The following RIF1 variants were observed in gnomAD, a reference collection of about 807,000 sequenced individuals.
RIF1 encodes the protein telomere-associated protein RIF1.
In RIF1, 45 loss-of-function variants were observed where a neutral mutation model predicts 247.1. The observed-to-expected ratio is 0.18, with a 90% CI of 0.14 to 0.23. The LOEUF is 0.23. RIF1 is among the 10% of genes least tolerant of loss of function. The probability of loss-of-function intolerance (pLI) is 1.00; values close to 1 mark genes in which losing one functional copy is unlikely to be tolerated. For synonymous variants in RIF1, 1,087 were observed against 978.8 expected, an observed-to-expected ratio of 1.11 and a Z score of -2.06; for missense variants, 2,967 against 2,862.5, an observed-to-expected ratio of 1.04 and a Z score of -0.83.
Position 151,433,157 on chromosome 2 carries a change from T to G in RIF1, c.1006T>G (p.Leu336Val). The G allele has an allele frequency of 1.2e-6, 2 of 1,613,400 alleles. No homozygotes were observed. The highest frequency in any genetic ancestry group is 1.7e-6 in the Non-Finnish European group (2 of 1,179,436). ...SIHVRTETLA[L>V]TKLEVWWYLL... ...CCATGTGAGAACAGAAACTCTAGCA[T>G]TAACAAAACTAGAAGTCTGGTGGTA... Residue 336 changes from leucine (L) to valine (V), a missense_variant, in exon 10 of 36, where the codon TTA (leucine) becomes GTA (valine). Transcript: ENST00000444746.
chr2:151,493,284 G>A (rs115730804), intron 9 of RIF1: 36,646 of 1,164,326 alleles, frequency 0.031, 1,320 homozygotes, highest in East Asian at 0.14. Flanking sequence ...TGAGAAAGGC[G>A]TGTTTTTATG....
the RIF1 span, among the ~76,000 whole-genome samples, chr2:151,527,812 G>A: frequency 2.6e-5 from 4 of 152,188 alleles, no homozygotes; most frequent in Non-Finnish European, 5.9e-5. Flanking sequence ...AATTTTTAAA[G>A]GCCTCCGGGT....
chr2:151,509,429 C>G (rs977434953), downstream of RIF1, among the ~76,000 whole-genome samples: 20 of 151,970 alleles, frequency 1.3e-4, no homozygotes, highest in African/African-American at 4.8e-4. Context: ...CAAAAGCTAC[C>G]TCAACTGGTT....
At position 151,457,769 on chromosome 2, in the gene RIF1, G is replaced by GCTA. The variant is rs1248573289; in HGVS notation, c.2664_2666dup (p.Leu889dup). Reference sequence around the variant, plus strand: ...TTTTTCGTTTTTCCTAGTTAGAAAAGCTACTGGGAGAAATTATTGCTTGTC... The same window carrying GCTA: ...TTTTTCGTTTTTCCTAGTTAGAAAAGCTACTACTGGGAGAAATTATTGCTTGTC... On this transcript the variant is annotated inframe_insertion, in exon 24 of 36. Transcript: ENST00000444746. 1 of 1,613,394 alleles carries GCTA rather than the reference G, an allele frequency of 6.2e-7. No individual in the cohort carries two copies. Among genetic ancestry groups the GCTA allele is most frequent in the Non-Finnish European group, 8.5e-7 (1 of 1,179,624 alleles).
rs556444275 is a variant in RIF1, at chr2:151,414,618, A to G, written c.184-205A>G. Among the ~76,000 whole-genome samples the G allele has an allele frequency of 8.5e-5, 13 of 152,306 alleles. No homozygotes were observed. The South Asian group carries it at 2.5e-3, about 29-fold the overall frequency. ...ATCTTCATTCAGGTGATCTCGATCCAGTTTCCTCTCCTTTCTTTACCAAGC... is the reference window on the plus strand; with the variant it reads ...ATCTTCATTCAGGTGATCTCGATCCGGTTTCCTCTCCTTTCTTTACCAAGC... On this transcript the variant is annotated intron_variant, in intron 3 of 35. Transcript: ENST00000444746.
At chr2:151,461,516 C>T (rs1335151203) in intron 27 of RIF1, among the ~76,000 whole-genome samples, 3 of 151,866 alleles carry the variant, frequency 2.0e-5, no homozygotes, top group African/African-American at 4.8e-5. Context: ...CTCAGCCTCC[C>T]GAGTAGCTGG....
chr2:151,497,727 TAAG>T (rs1238085032), intron 10 of RIF1: 4 of 1,566,262 alleles, frequency 2.6e-6, no homozygotes, highest in South Asian at 1.2e-5. Context: ...ACCTGTGCGA[TAAG>T]AAAGCATCCA....
chr2:151,467,634 C>T (rs1174742248), intron 30 of RIF1, among the ~76,000 whole-genome samples: 2 of 152,130 alleles, frequency 1.3e-5, no homozygotes, highest in African/African-American at 4.8e-5. Flanking sequence ...CGAGCCACTG[C>T]GCCTGGCACA....
rs1696432489 is a variant in RIF1 at position 151,463,061 on chromosome 2, A to C, written c.3541A>C (p.Arg1181=). ...AAGAAAAAAAGCTTTAATTTCATCAAGGAAAACATCAACTGAATGTGCATC... is the reference window on the plus strand; with the variant it reads ...AAGAAAAAAAGCTTTAATTTCATCACGGAAAACATCAACTGAATGTGCATC... The part of the protein sequence containing the change: ...DERKKALISS[R]KTSTECASST... The change falls in exon 30 of 36, where the codon AGG becomes CGG. Residue 1181 remains arginine, a synonymous_variant. Coordinates refer to ENST00000444746, the MANE Select transcript of RIF1 (RefSeq NM_018151.5). 1.2e-6 allele frequency: 2 copies of C among 1,613,966 alleles called. No individual in the cohort carries two copies. The highest frequency in any genetic ancestry group is 1.7e-4 in the Middle Eastern group (1 of 6,060).
intron 9 of RIF1, chr2:151,493,328 A>G (rs760447747): frequency 3.9e-6 from 6 of 1,538,582 alleles, no homozygotes; most frequent in Admixed American, 1.7e-5. Context: ...TTGTTGCACT[A>G]TTTCTTTTTA....
At chr2:151,498,817 ATTTAATT>A (rs1559237181) in intron 10 of RIF1, among the ~76,000 whole-genome samples, 1 of 152,168 alleles carries the variant, frequency 6.6e-6, no homozygotes, top group African/African-American at 2.4e-5. Flanking sequence ...AAGTCAGAGT[ATTTAATT>A]TTTAGTTTGG....
Position 151,480,721 on chromosome 2 carries a change from A to G in RIF1, c.*5650A>G, listed in dbSNP as rs2049131942. ...ACTGAAAATAGAGTATAGTCTAACA[A>G]TTATTTTGATACACTATTGAATAGC... On this transcript the variant is annotated 3_prime_UTR_variant, in exon 36 of 36. Coordinates refer to ENST00000444746, the MANE Select transcript of RIF1 (RefSeq NM_018151.5). The G allele has an allele frequency of 1.3e-5, 2 of 152,190 alleles. No homozygotes were observed. 9.4% of individuals were successfully genotyped at this position (152,190 alleles called of 1,614,324 possible).
chr2:151,497,974 G>A (rs2061439953), intron 10 of RIF1: 1 of 1,435,786 alleles, frequency 7.0e-7, no homozygotes, highest in East Asian at 2.5e-5. Context: ...TGAGTACGGT[G>A]CCTCCTAAAC....
At chr2:151,533,526 G>A in the RIF1 span, 1 of 1,550,748 alleles carries the variant, frequency 6.4e-7, no homozygotes, top group Non-Finnish European at 8.7e-7. Context: ...GAAACATCTT[G>A]GCACTAGATT....
In RIF1 at chr2:151,433,217, A is replaced by G. The variant is rs1415827951; in HGVS notation, c.1066A>G (p.Asn356Asp). ...LMRLGPHLPA[N>D]FEQVCVPLIQ... ...GAGACTTGGACCTCATCTTCCTGCT[A>G]ATTTTGAACAGGTAACATTACAAGT... Residue 356 changes from asparagine to aspartate, a missense_variant, in exon 10 of 36, where the codon AAT (asparagine) becomes GAT (aspartate). Coordinates refer to ENST00000444746, the MANE Select transcript of RIF1 (RefSeq NM_018151.5). 1 of 1,611,854 alleles carries G rather than the reference A, an allele frequency of 6.2e-7. No individual in the cohort carries two copies.
At chr2:151,433,272 A>G (rs1346778706) in intron 10 of RIF1, 44 bp downstream of exon 10, 3 of 1,478,860 alleles carry the variant, frequency 2.0e-6, no homozygotes, top group Non-Finnish European at 2.8e-6. Context: ...GTTTTTGTTA[A>G]TGTGTTCTTA....
chr2:151,517,927 C>T, the RIF1 span, among the ~76,000 whole-genome samples: 3 of 152,204 alleles, frequency 2.0e-5, no homozygotes, highest in Admixed American at 6.5e-5. Context: ...TGTAAATTCC[C>T]AGAACTGCTT....
At chr2:151,454,029 G>C (rs370341110) in intron 21 of RIF1, among the ~76,000 whole-genome samples, 4 of 152,116 alleles carry the variant, frequency 2.6e-5, no homozygotes, top group Non-Finnish European at 5.9e-5. Context: ...CCTCACCTCA[G>C]CATTCTGTCA....
At chr2:151,457,560 A>T (rs999594439) in intron 23 of RIF1, among the ~76,000 whole-genome samples, 1 of 151,520 alleles carries the variant, frequency 6.6e-6, no homozygotes, top group African/African-American at 2.5e-5. Context: ...AATAGAAAAT[A>T]AGTTCAAAAT....
Sources: gnomAD v4.1 joint callset for allele counts (sites outside exome capture counted in the v4.1 genomes callset) on GRCh38, gnomAD v4.1.1 for gene constraint, MANE v1.5 for transcripts, NCBI Gene and HGNC (gene_info 2026-07-23, HGNC 2026-07-21) for gene names.